Variants in TMEM132B observed in about 807,000 individuals in gnomAD.
The protein encoded by TMEM132B is transmembrane protein 132B.
TMEM132B carries 18 observed loss-of-function variants against 90.8 expected under a neutral mutation model. The ratio of observed to expected loss-of-function variants is 0.20; its 90% CI spans 0.14 to 0.29. The LOEUF (loss-of-function observed/expected upper bound fraction) is 0.29, where lower values mean the gene tolerates loss of function less well. TMEM132B is among the 10% of genes least tolerant of loss of function. TMEM132B has a pLI of 1.00. For synonymous variants in TMEM132B, 504 were observed against 523.3 expected (o/e 0.96, Z 0.50); for missense variants, 1,096 against 1,326.8 (o/e 0.83, Z 2.70).
intron 4 of TMEM132B, among the ~76,000 whole-genome samples, chr12:125,581,078 AC>A (rs1885043922): frequency 6.6e-6 from 1 of 152,214 alleles, no homozygotes. Context: ...GAAGGAGGAA[AC>A]ATGGTTGCAA....
At chr12:125,287,809 C>CT (rs2136141341) in intron 1 of TMEM132B, among the ~76,000 whole-genome samples, 1 of 152,266 alleles carries the variant, frequency 6.6e-6, no homozygotes, top group African/African-American at 2.4e-5. Context: ...ATGCATCTTG[C>CT]TTTTTTCACA....
chr12:125,299,577 C>T (rs1483320038), intron 1 of TMEM132B, among the ~76,000 whole-genome samples: 2 of 152,224 alleles, frequency 1.3e-5, no homozygotes, highest in African/African-American at 4.8e-5. Flanking sequence ...CCTCTAGCCC[C>T]ATGCAGCCTG....
In TMEM132B at chr12:125,396,264, G is replaced by A. The variant is rs191596082; in HGVS notation, c.960-19267G>A. ...AGTTTGTTGGATGATTCTCACAGTA[G>A]TTTTTCTCTAGTTCTCAGTCTTCCC... On this transcript the variant is annotated intron_variant, in intron 2 of 8. Coordinates refer to ENST00000682704, the MANE Select transcript of TMEM132B (RefSeq NM_001366854.1). Among the ~76,000 whole-genome samples, 180 of 152,276 alleles carry A rather than the reference G, an allele frequency of 1.2e-3. 2 individuals are homozygous for A. The highest frequency in any genetic ancestry group is 1.6e-4 in the Non-Finnish European group (11 of 68,008).
chr12:125,317,257 A>G (rs761184680), intron 1 of TMEM132B, among the ~76,000 whole-genome samples: 24 of 152,108 alleles, frequency 1.6e-4, no homozygotes, highest in Non-Finnish European at 2.8e-4. Context: ...ACTCAAAGCG[A>G]TTGGAAGCAC....
intron 1 of TMEM132B, among the ~76,000 whole-genome samples, chr12:125,194,282 TACTC>T (rs964354250): frequency 2.0e-5 from 3 of 151,646 alleles, no homozygotes; most frequent in African/African-American, 7.3e-5. Context: ...GGGGGGGTCT[TACTC>T]ATTGTGGCCA....
At chr12:125,564,846 A>G (rs192548325) in intron 4 of TMEM132B, among the ~76,000 whole-genome samples, 26 of 152,352 alleles carry the variant, frequency 1.7e-4, no homozygotes, top group African/African-American at 6.3e-4. Context: ...AAACCCTGCT[A>G]GCATATGCTA....
At chr12:125,507,599 G>C (rs535905391) in intron 3 of TMEM132B, among the ~76,000 whole-genome samples, 1 of 152,224 alleles carries the variant, frequency 6.6e-6, no homozygotes, top group East Asian at 1.9e-4. Context: ...ATGAGCTAGT[G>C]CAAAGGCCCT....
intron 5 of TMEM132B, chr12:125,622,777 C>A: frequency 1.6e-6 from 1 of 641,648 alleles, no homozygotes; most frequent in Non-Finnish European, 1.9e-6. Flanking sequence ...ATTTACTTTT[C>A]CCTTTTCTCA....
chr12:125,606,270 C>T (rs1323468944), intron 5 of TMEM132B, among the ~76,000 whole-genome samples: 1 of 149,800 alleles, frequency 6.7e-6, no homozygotes, highest in Non-Finnish European at 1.5e-5. Flanking sequence ...TTGTAGATGA[C>T]AGGAATTCAA....
chr12:125,451,603 C>T (rs1246221248), intron 3 of TMEM132B, among the ~76,000 whole-genome samples: 1 of 149,966 alleles, frequency 6.7e-6, no homozygotes, highest in Non-Finnish European at 1.5e-5. Context: ...ATTACATTCC[C>T]CTGTGGGTCC....
chr12:125,281,496 TG>T (rs1875174307), intron 1 of TMEM132B, among the ~76,000 whole-genome samples: 1 of 152,204 alleles, frequency 6.6e-6, no homozygotes, highest in Non-Finnish European at 1.5e-5. Flanking sequence ...TCTTGCTTTC[TG>T]TGTTTGAGCT....
Position 125,555,975 on chromosome 12 carries a change from G to C in TMEM132B, c.1294-27876G>C, listed in dbSNP as rs139613678. 2.5e-3 allele frequency among the ~76,000 whole-genome samples: 388 copies of C among 152,336 alleles called. 1 individual carries two copies. Among genetic ancestry groups the C allele is most frequent in the Non-Finnish European group, 4.6e-3 (316 of 68,030 alleles). ...TCTACAAAAATAACAGCAACCTGCT[G>C]TCTTGGGTGTCTGCTGTCAAATGCA... On this transcript the variant is annotated intron_variant, in intron 4 of 8. Coordinates refer to ENST00000682704, the MANE Select transcript of TMEM132B (RefSeq NM_001366854.1).
At chr12:125,640,620 G>A (rs1177542116) in intron 5 of TMEM132B, among the ~76,000 whole-genome samples, 1 of 152,110 alleles carries the variant, frequency 6.6e-6, no homozygotes, top group Non-Finnish European at 1.5e-5. Context: ...TCCTGGAGAG[G>A]ACAGAGGTGA....
intron 4 of TMEM132B, among the ~76,000 whole-genome samples, chr12:125,564,033 G>A (rs369198265): frequency 5.3e-5 from 8 of 152,198 alleles, no homozygotes; most frequent in African/African-American, 9.6e-5. Flanking sequence ...TTGTTAAGGC[G>A]TCCCTGGGAA....
chr12:125,418,844 A>G (rs1406354948), intron 3 of TMEM132B, among the ~76,000 whole-genome samples: 2 of 152,242 alleles, frequency 1.3e-5, no homozygotes, highest in Non-Finnish European at 2.9e-5. Context: ...GATGAAAACC[A>G]CAAGATAAAG....
intron 3 of TMEM132B, among the ~76,000 whole-genome samples, chr12:125,515,207 AAC>A (rs71785312): frequency 0.16 from 23,627 of 149,548 alleles, 2,454 homozygotes; most frequent in East Asian, 0.46. Context: ...TGCACACTCA[AAC>A]ACACACGTTC....
intron 4 of TMEM132B, among the ~76,000 whole-genome samples, chr12:125,577,252 A>G (rs1456154507): frequency 1.3e-5 from 2 of 151,414 alleles, no homozygotes; most frequent in African/African-American, 4.8e-5. Context: ...CTTTTCATCT[A>G]GGTCATCTAG....
chr12:125,190,476 G>T (rs1381168689), intron 1 of TMEM132B, among the ~76,000 whole-genome samples: 1 of 139,768 alleles, frequency 7.2e-6, no homozygotes, highest in Admixed American at 7.1e-5. Context: ...AAGGGGTGGT[G>T]GTGGGAAGGG....
At chr12:125,374,392 C>T (rs546050656) in intron 2 of TMEM132B, among the ~76,000 whole-genome samples, 5 of 152,152 alleles carry the variant, frequency 3.3e-5, no homozygotes, top group African/African-American at 1.2e-4. Context: ...TCATGGGAGT[C>T]TGTATAGTGC....
Sources: allele counts gnomAD v4.1 joint callset (sites outside exome capture counted in the v4.1 genomes callset), GRCh38; gene constraint gnomAD v4.1.1; transcripts MANE v1.5; gene names NCBI Gene and HGNC (gene_info 2026-07-23, HGNC 2026-07-21).